Variants in ENPP2 observed in about 807,000 individuals in gnomAD.
ENPP2 encodes the protein ectonucleotide pyrophosphatase/phosphodiesterase 2.
A neutral mutation model predicts 120.2 loss-of-function variants in ENPP2; 51 were observed. The observed-to-expected ratio is 0.42, with a 90% CI of 0.34 to 0.54. The LOEUF (loss-of-function observed/expected upper bound fraction) is 0.54, where lower values mean the gene tolerates loss of function less well. Among genes scored for constraint, ENPP2 ranks in the 20% least tolerant of loss-of-function variants. The probability of loss-of-function intolerance (pLI) is 0.04; values close to 1 mark genes in which losing one functional copy is unlikely to be tolerated. For synonymous variants in ENPP2, 365 were observed against 366.4 expected (o/e 1.00, Z 0.04); for missense variants, 920 against 1,066.5 (o/e 0.86, Z 1.91).
At chr8:119,587,654 C>T (rs12678907) in intron 13 of ENPP2, among the ~76,000 whole-genome samples, 43,048 of 152,030 alleles carry the variant, frequency 0.28, 6,958 homozygotes, top group South Asian at 0.49. Flanking sequence ...TTTTCAATAG[C>T]ATCAAGTAAA....
At chr8:119,582,149 T>A (rs1294035698) in intron 18 of ENPP2, among the ~76,000 whole-genome samples, 1 of 152,234 alleles carries the variant, frequency 6.6e-6, no homozygotes, top group Non-Finnish European at 1.5e-5. Context: ...TTGAGAACTG[T>A]GACTGCACAG....
rs1315254044 is a variant in ENPP2, at chr8:119,557,566, G to A, written c.2547C>T (p.Ile849=). ...FRKTSRSYPE[I]LTLKTYLHTY... Reference sequence around the variant, plus strand: ...TATGCAGGTATGTCTTGAGTGTCAGGATTTCTGGGTAGCTGCGGCTGGTCT... The same window carrying A: ...TATGCAGGTATGTCTTGAGTGTCAGAATTTCTGGGTAGCTGCGGCTGGTCT... Residue 849 remains isoleucine, a synonymous_variant, in exon 25 of 25, where the codon ATC becomes ATT. Transcript: ENST00000075322. 2 of 1,613,310 alleles carry A rather than the reference G, an allele frequency of 1.2e-6. No individual in the cohort carries two copies. Among genetic ancestry groups the A allele is most frequent in the South Asian group, 1.1e-5 (1 of 91,026 alleles).
intron 22 of ENPP2, among the ~76,000 whole-genome samples, chr8:119,566,874 G>T (rs1233272160): frequency 6.6e-6 from 1 of 152,180 alleles, no homozygotes; most frequent in African/African-American, 2.4e-5. Flanking sequence ...AACAAACCAA[G>T]AAATCTTTTT....
chr8:119,587,472 A>T (rs1008900152), intron 13 of ENPP2, among the ~76,000 whole-genome samples: 3 of 152,142 alleles, frequency 2.0e-5, no homozygotes, highest in African/African-American at 4.8e-5. Context: ...GTAACTTCTT[A>T]TTTATCTGCA....
At chr8:119,577,908 G>A (rs1036988682) in intron 19 of ENPP2, among the ~76,000 whole-genome samples, 6 of 152,148 alleles carry the variant, frequency 3.9e-5, no homozygotes, top group Admixed American at 2.6e-4. Context: ...AGAAACTCAC[G>A]TTCCACTCAG....
intron 1 of ENPP2, among the ~76,000 whole-genome samples, chr8:119,646,656 T>C (rs1817476776): frequency 6.6e-6 from 1 of 152,190 alleles, no homozygotes; most frequent in Admixed American, 6.5e-5. Context: ...TCTTGTCTGT[T>C]TCCATCTCAT....
At chr8:119,630,887 T>TTTTTTTTTC (rs1391073355) in intron 2 of ENPP2, among the ~76,000 whole-genome samples, 5 of 151,984 alleles carry the variant, frequency 3.3e-5, no homozygotes, top group Non-Finnish European at 2.9e-5. Context: ...GCTATCTCTT[T>TTTTTTTTTC]TTTTTTTTCT....
intron 11 of ENPP2, among the ~76,000 whole-genome samples, chr8:119,599,369 T>A (rs1346666478): frequency 2.0e-5 from 3 of 152,184 alleles, no homozygotes; most frequent in African/African-American, 7.2e-5. Context: ...ATTGTCAAAA[T>A]ACTTAAGTAT....
intron 22 of ENPP2, among the ~76,000 whole-genome samples, chr8:119,567,451 C>T (rs1225988476): frequency 6.6e-6 from 1 of 152,206 alleles, no homozygotes; most frequent in African/African-American, 2.4e-5. Flanking sequence ...TATGATCACA[C>T]AGCCTGTGGT....
At chr8:119,575,952 G>T (rs138136197) in intron 19 of ENPP2, among the ~76,000 whole-genome samples, 1 of 152,242 alleles carries the variant, frequency 6.6e-6, no homozygotes, top group East Asian at 1.9e-4. Context: ...TACACACGCA[G>T]ACACAAACAC....
intron 24 of ENPP2, among the ~76,000 whole-genome samples, chr8:119,561,355 CTG>C (rs1813911785): frequency 6.6e-6 from 1 of 152,204 alleles, no homozygotes; most frequent in African/African-American, 2.4e-5. Context: ...AATAGTGACT[CTG>C]TCTAACACAC....
chr8:119,634,771 T>C (rs1009952466), intron 2 of ENPP2, among the ~76,000 whole-genome samples: 1 of 152,222 alleles, frequency 6.6e-6, no homozygotes, highest in African/African-American at 2.4e-5. Flanking sequence ...GAAGATTTGC[T>C]GATTTTATTG....
At chr8:119,649,807 G>T (rs1186417654) in intron 1 of ENPP2, among the ~76,000 whole-genome samples, 1 of 152,166 alleles carries the variant, frequency 6.6e-6, no homozygotes, top group Non-Finnish European at 1.5e-5. Context: ...GCAAATGAAA[G>T]TTTGTTCAAC....
chr8:119,634,173 ACT>A (rs1240885355), intron 2 of ENPP2, among the ~76,000 whole-genome samples: 1 of 147,852 alleles, frequency 6.8e-6, no homozygotes. Flanking sequence ...ACAGAATGAG[ACT>A]CTCTCTCAAA....
At chr8:119,569,007 C>CA (rs1814725517) in intron 21 of ENPP2, among the ~76,000 whole-genome samples, 2 of 151,272 alleles carry the variant, frequency 1.3e-5, no homozygotes, top group Admixed American at 6.7e-5. Context: ...TAATGTAAGG[C>CA]GGGACACAGA....
chr8:119,617,217 T>A lies in ENPP2; in HGVS notation c.604A>T (p.Met202Leu). The change falls in exon 7 of 25, where the codon ATG (methionine) becomes TTG (leucine). Residue 202 changes from methionine (M) to leucine (L), a missense_variant. By Grantham distance (15) the Met-to-Leu change is conservative. Coordinates refer to ENST00000075322, the MANE Select transcript of ENPP2 (RefSeq NM_001040092.3). ...GTTTTAGTTGGGTACACCGGCCTCA[T>A]GTAGGGAGAGTGTGTGCCACAAGAC... ...LRSCGTHSPY[M>L]RPVYPTKTFP... 1.9e-6 allele frequency: 3 copies of A among 1,613,688 alleles called. No individual in the cohort carries two copies. Among genetic ancestry groups the A allele is most frequent in the Non-Finnish European group, 2.5e-6 (3 of 1,179,596 alleles).
At chr8:119,575,305 C>T (rs1382609641) in intron 19 of ENPP2, among the ~76,000 whole-genome samples, 2 of 151,918 alleles carry the variant, frequency 1.3e-5, no homozygotes, top group African/African-American at 2.4e-5. Flanking sequence ...GGGTGCTGGC[C>T]GCTGGGTTAT....
upstream of ENPP2, among the ~76,000 whole-genome samples, chr8:119,640,345 T>G (rs1345175687): frequency 1.3e-5 from 2 of 152,126 alleles, no homozygotes; most frequent in Non-Finnish European, 2.9e-5. Flanking sequence ...CCATGAAAGA[T>G]TTTCCTATAA....
intron 4 of ENPP2, among the ~76,000 whole-genome samples, chr8:119,620,224 T>G (rs1263701246): frequency 6.6e-6 from 1 of 152,198 alleles, no homozygotes; most frequent in East Asian, 1.9e-4. Context: ...GCTTAATGAT[T>G]CAATGATCAA....
Sources: gnomAD v4.1 joint callset for allele counts (sites outside exome capture counted in the v4.1 genomes callset) on GRCh38, gnomAD v4.1.1 for gene constraint, MANE v1.5 for transcripts, NCBI Gene and HGNC (gene_info 2026-07-23, HGNC 2026-07-21) for gene names.